The following WBP1L variants were observed in gnomAD, a reference collection of about 807,000 sequenced individuals.
WBP1L encodes WW domain binding protein 1 like.
In WBP1L, 17 loss-of-function variants were observed where a neutral mutation model predicts 33.7. That is an observed-to-expected ratio of 0.50 (90% CI 0.34 to 0.76). WBP1L has a LOEUF of 0.76. Among genes scored for constraint, WBP1L ranks in the 30% least tolerant of loss-of-function variants. The probability of loss-of-function intolerance (pLI) is 0.01; values close to 1 mark genes in which losing one functional copy is unlikely to be tolerated. For missense variants in WBP1L, 389 were observed against 469.4 expected (o/e 0.83, Z 1.58); for synonymous variants, 173 against 190.8 (o/e 0.91, Z 0.77).
At chr10:102,784,615 C>CG (rs1564762760) in intron 1 of WBP1L, among the ~76,000 whole-genome samples, 1 of 151,518 alleles carries the variant, frequency 6.6e-6, no homozygotes, top group Non-Finnish European at 1.5e-5. Flanking sequence ...TTAGTAGAGA[C>CG]GGGGTTTCAC....
chr10:102,758,406 A>G (rs1843002308), intron 1 of WBP1L, among the ~76,000 whole-genome samples: 1 of 152,088 alleles, frequency 6.6e-6, no homozygotes, highest in Non-Finnish European at 1.5e-5. Context: ...GCAACCACTC[A>G]TCTACTTCCT....
At chr10:102,792,872 G>A (rs182680977) in intron 1 of WBP1L, among the ~76,000 whole-genome samples, 8 of 152,096 alleles carry the variant, frequency 5.3e-5, no homozygotes, top group Non-Finnish European at 1.0e-4. Context: ...TGGAATTACA[G>A]ACGTGAGCCA....
At chr10:102,772,149 G>A (rs1479253754) in intron 1 of WBP1L, among the ~76,000 whole-genome samples, 8 of 151,876 alleles carry the variant, frequency 5.3e-5, no homozygotes, top group East Asian at 1.9e-4. Flanking sequence ...TAGTAGAGAC[G>A]GGGTTTCACC....
chr10:102,758,825 C>T (rs1230625264), intron 1 of WBP1L, among the ~76,000 whole-genome samples: 5 of 152,156 alleles, frequency 3.3e-5, no homozygotes, highest in Non-Finnish European at 1.5e-5. Context: ...AGGTCACGTG[C>T]TTACAGGATA....
At chr10:102,783,292 C>A (rs1186341074) in intron 1 of WBP1L, among the ~76,000 whole-genome samples, 1 of 152,194 alleles carries the variant, frequency 6.6e-6, no homozygotes, top group Non-Finnish European at 1.5e-5. Context: ...TCGCACTGGT[C>A]ATGTGAAAAT....
intron 1 of WBP1L, chr10:102,776,540 C>G (rs777101182): frequency 7.7e-7 from 1 of 1,299,188 alleles, no homozygotes; most frequent in Admixed American, 1.8e-5. Context: ...CAGGCCAGCT[C>G]CCACACAGAA....
intron 1 of WBP1L, 84 bp downstream of exon 1, chr10:102,744,227 C>T (rs1278327389): frequency 1.4e-6 from 2 of 1,401,678 alleles, no homozygotes; most frequent in Non-Finnish European, 1.9e-6. Context: ...AGTGTTGTTG[C>T]CAAGAGTTGA....
intron 1 of WBP1L, among the ~76,000 whole-genome samples, chr10:102,760,009 C>T (rs1426011207): frequency 6.6e-6 from 1 of 152,178 alleles, no homozygotes; most frequent in Non-Finnish European, 1.5e-5. Flanking sequence ...TCAATTTCTC[C>T]AACACTTGTT....
intron 1 of WBP1L, chr10:102,776,521 CAGTT>C (rs1409373779): frequency 1.8e-5 from 26 of 1,456,806 alleles, no homozygotes; most frequent in Middle Eastern, 1.7e-4. Context: ...AAATGCCTCT[CAGTT>C]AGACCAGGCC....
intron 1 of WBP1L, among the ~76,000 whole-genome samples, chr10:102,795,498 C>T (rs532950408): frequency 6.6e-5 from 10 of 152,196 alleles, no homozygotes; most frequent in African/African-American, 9.7e-5. Flanking sequence ...CCCCCTGCCT[C>T]GGTGCACAGA....
chr10:102,744,536 G>A, intron 1 of WBP1L: 2 of 964,344 alleles, frequency 2.1e-6, no homozygotes, highest in Admixed American at 1.2e-4. Context: ...TATTGAGTTG[G>A]CCTGTGAGGG....
intron 1 of WBP1L, among the ~76,000 whole-genome samples, chr10:102,783,596 TA>T (rs1248850523): frequency 2.6e-5 from 4 of 152,236 alleles, no homozygotes; most frequent in Admixed American, 2.0e-4. Flanking sequence ...GCAGTTTGGC[TA>T]AAACAGGGGC....
At chr10:102,776,626 C>T (rs1843268378) in intron 1 of WBP1L, among the ~76,000 whole-genome samples, 2 of 152,124 alleles carry the variant, frequency 1.3e-5, no homozygotes, top group Admixed American at 6.6e-5. Flanking sequence ...TCTACGTCCC[C>T]GAGGTTTCTC....
chr10:102,789,149 G>T (rs1173880693), intron 1 of WBP1L, among the ~76,000 whole-genome samples: 7 of 152,088 alleles, frequency 4.6e-5, no homozygotes, highest in Non-Finnish European at 1.5e-5. Flanking sequence ...TTTTAATAGC[G>T]ATGGGTTTTC....
chr10:102,751,221 C>T (rs1300871923), intron 1 of WBP1L, among the ~76,000 whole-genome samples: 11 of 151,796 alleles, frequency 7.2e-5, no homozygotes, highest in South Asian at 2.1e-4. Context: ...AGGCTGTTCT[C>T]GAACTCCTGA....
chr10:102,767,350 G>C (rs988146644), intron 1 of WBP1L, among the ~76,000 whole-genome samples: 5 of 152,172 alleles, frequency 3.3e-5, no homozygotes, highest in Admixed American at 3.3e-4. Context: ...TTCAGCTTCT[G>C]CTACTTTTAT....
chr10:102,744,001 G>A lies in WBP1L; in HGVS notation c.-53G>A. 1.5e-6 allele frequency: 2 copies of A among 1,305,802 alleles called. No homozygotes were observed. Among genetic ancestry groups the A allele is most frequent in the South Asian group, 2.6e-5 (2 of 78,406 alleles). 80.9% of individuals were successfully genotyped at this position (1,305,802 alleles called of 1,614,324 possible). On this transcript the variant is annotated 5_prime_UTR_variant, in exon 1 of 4. Transcript: ENST00000448841. ...AGAAGAGGGTAGAGGAGGAGAGGGAGGAGGAGGAGGGAGGTGGCGGCGCCG... is the reference window on the plus strand; with the variant it reads ...AGAAGAGGGTAGAGGAGGAGAGGGAAGAGGAGGAGGGAGGTGGCGGCGCCG...
chr10:102,762,534 AGT>A, intron 1 of WBP1L, among the ~76,000 whole-genome samples: 1 of 152,334 alleles, frequency 6.6e-6, no homozygotes, highest in East Asian at 1.9e-4. Flanking sequence ...GAACAGGTCT[AGT>A]AGTGGCGTTT....
chr10:102,772,684 C>G (rs1843207043), intron 1 of WBP1L, among the ~76,000 whole-genome samples: 1 of 149,740 alleles, frequency 6.7e-6, no homozygotes, highest in Non-Finnish European at 1.5e-5. Flanking sequence ...TCCCTCCCAC[C>G]TCAGCTTCCC....
Sources: allele counts gnomAD v4.1 joint callset (sites outside exome capture counted in the v4.1 genomes callset), GRCh38; gene constraint gnomAD v4.1.1; transcripts MANE v1.5; gene names NCBI Gene and HGNC (gene_info 2026-07-23, HGNC 2026-07-21).